The following ATL1 variants were observed in gnomAD, a reference collection of about 807,000 sequenced individuals.
ATL1 encodes the protein atlastin-1.
ATL1 carries 31 observed loss-of-function variants against 75.5 expected under a neutral mutation model. The ratio of observed to expected loss-of-function variants is 0.41; its 90% CI spans 0.31 to 0.55. The LOEUF (loss-of-function observed/expected upper bound fraction) is 0.55. ATL1 is among the 20% of genes least tolerant of loss of function. The pLI is 0.27. For synonymous variants in ATL1, 226 were observed against 233.3 expected (o/e 0.97, Z 0.28); for missense variants, 405 against 662.6 (o/e 0.61, Z 4.27).
At chr14:50,620,506 A>G in intron 8 of ATL1, 93 bp from the exon 9 acceptor site, 1 of 1,333,930 alleles carries the variant, frequency 7.5e-7, no homozygotes, top group Non-Finnish European at 1.0e-6. Flanking sequence ...ATCACTGGGG[A>G]GGAAATGGGG....
Position 50,632,271 on chromosome 14 carries a change from C to T in ATL1, c.1609C>T (p.Leu537=). The part of the protein sequence containing the change: ...LYSAAATHRH[L]YHQAFPTPKS... Reference sequence around the variant, plus strand: ...CAGTGCAGCAGCAACCCACAGACATCTGTATCATCAAGCTTTCCCTACACC... The same window carrying T: ...CAGTGCAGCAGCAACCCACAGACATTTGTATCATCAAGCTTTCCCTACACC... The change falls in exon 14 of 14, where the codon CTG becomes TTG. Residue 537 remains leucine (L), a synonymous_variant. Transcript: ENST00000358385. The T allele has an allele frequency of 6.2e-7, 1 of 1,612,978 alleles. No individual in the cohort carries two copies. The highest frequency in any genetic ancestry group is 8.5e-7 in the Non-Finnish European group (1 of 1,179,476).
At chr14:50,625,702 G>A (rs575607361) in intron 11 of ATL1, among the ~76,000 whole-genome samples, 8 of 152,190 alleles carry the variant, frequency 5.3e-5, no homozygotes, top group African/African-American at 1.9e-4. Context: ...GAGGTGGGTG[G>A]ATCACGAGGT....
chr14:50,608,479 G>T (rs201087201), intron 6 of ATL1, among the ~76,000 whole-genome samples: 1 of 151,856 alleles, frequency 6.6e-6, no homozygotes, highest in Non-Finnish European at 1.5e-5. Flanking sequence ...CAAGGCTTTT[G>T]TTTTTTTGTC....
upstream of ATL1, among the ~76,000 whole-genome samples, chr14:50,557,071 T>G (rs530824899): frequency 6.6e-6 from 1 of 152,344 alleles, no homozygotes; most frequent in East Asian, 1.9e-4. Context: ...CTAGACTTTT[T>G]CCCAAAGTAT....
At chr14:50,629,913 T>C in intron 12 of ATL1, 82 bp from the exon 13 acceptor site, 1 of 1,109,714 alleles carries the variant, frequency 9.0e-7, no homozygotes, top group Non-Finnish European at 1.3e-6. Context: ...AAATTAATAT[T>C]GTAAGCAAAG....
intron 2 of ATL1, among the ~76,000 whole-genome samples, chr14:50,588,825 A>G (rs967148267): frequency 6.6e-6 from 1 of 152,152 alleles, no homozygotes; most frequent in Non-Finnish European, 1.5e-5. Context: ...TAGATCATTG[A>G]CTCAGAGTGA....
intron 11 of ATL1, among the ~76,000 whole-genome samples, chr14:50,625,646 G>A (rs907980597): frequency 6.6e-6 from 1 of 152,066 alleles, no homozygotes; most frequent in African/African-American, 2.4e-5. Flanking sequence ...GGCCGGGCAC[G>A]ATGGCTCACA....
At chr14:50,585,301 T>C (rs181313183) in intron 1 of ATL1, among the ~76,000 whole-genome samples, 2 of 152,356 alleles carry the variant, frequency 1.3e-5, no homozygotes, top group East Asian at 3.9e-4. Flanking sequence ...CCAGTACCTT[T>C]TGCATATGTG....
intron 5 of ATL1, among the ~76,000 whole-genome samples, chr14:50,594,248 C>A (rs143052780): frequency 2.3e-4 from 35 of 152,264 alleles, no homozygotes; most frequent in African/African-American, 7.9e-4. Flanking sequence ...AGAACTCACT[C>A]ACTATGGCGA....
chr14:50,541,985 C>T (rs542938783), intron 1 of ATL1, among the ~76,000 whole-genome samples: 75 of 114,192 alleles, frequency 6.6e-4, no homozygotes, highest in African/African-American at 2.1e-3. Context: ...CCAGCCTGGG[C>T]GACAGAGCGA....
intron 1 of ATL1, among the ~76,000 whole-genome samples, chr14:50,580,354 A>G (rs2039044315): frequency 6.6e-6 from 1 of 152,194 alleles, no homozygotes; most frequent in Non-Finnish European, 1.5e-5. Flanking sequence ...ACCATTTATT[A>G]GATTAAGGAA....
At chr14:50,544,584 C>T (rs1464245670) in intron 1 of ATL1, among the ~76,000 whole-genome samples, 1 of 152,148 alleles carries the variant, frequency 6.6e-6, no homozygotes, top group Non-Finnish European at 1.5e-5. Context: ...ATGTCTGCTT[C>T]TGATGTGACT....
chr14:50,567,412 G>A (rs1333495811), intron 1 of ATL1, among the ~76,000 whole-genome samples: 1 of 152,102 alleles, frequency 6.6e-6, no homozygotes, highest in Non-Finnish European at 1.5e-5. Context: ...TGTGAATGAT[G>A]CTTCTATGAA....
At chr14:50,589,033 A>G (rs2039128981) in intron 2 of ATL1, among the ~76,000 whole-genome samples, 1 of 152,182 alleles carries the variant, frequency 6.6e-6, no homozygotes, top group South Asian at 2.1e-4. Context: ...AAAACATACC[A>G]TAGATTTTGC....
At chr14:50,577,351 C>G (rs1222309464) in intron 1 of ATL1, among the ~76,000 whole-genome samples, 1 of 152,246 alleles carries the variant, frequency 6.6e-6, no homozygotes, top group Admixed American at 6.5e-5. Context: ...GCCTGAGCCA[C>G]TGTGCCCAGG....
chr14:50,587,849 C>T lies in ATL1; in HGVS notation c.53C>T (p.Thr18Ile). ...TCAACAGGTGGATTTTCGGAAAAGACATATGAATGGAGCTCAGAAGAGGAG... is the reference window on the plus strand; with the variant it reads ...TCAACAGGTGGATTTTCGGAAAAGATATATGAATGGAGCTCAGAAGAGGAG... Reference protein sequence around the residue: ...RNSWGGFSEKTYEWSSEEEEP... With the variant: ...RNSWGGFSEKIYEWSSEEEEP... Residue 18 changes from threonine to isoleucine, a missense_variant, in exon 2 of 14, where the codon ACA becomes ATA. By Grantham distance (89) the Thr-to-Ile change is moderately conservative (BLOSUM62 -1). Around this residue, in one of 5 missense-constraint regions of ATL1, gnomAD observed 126 missense variants for 172.0 expected, o/e 0.73. Coordinates refer to ENST00000358385, the MANE Select transcript of ATL1 (RefSeq NM_015915.5). The T allele has an allele frequency of 6.2e-7, 1 of 1,614,164 alleles. No individual in the cohort carries two copies. Among genetic ancestry groups the T allele is most frequent in the Non-Finnish European group, 8.5e-7 (1 of 1,180,034 alleles).
chr14:50,597,660 TG>T (rs2039232976), intron 6 of ATL1, among the ~76,000 whole-genome samples: 1 of 152,202 alleles, frequency 6.6e-6, no homozygotes, highest in African/African-American at 2.4e-5. Flanking sequence ...TCATATTATG[TG>T]ATAACATTTT....
At chr14:50,622,272 T>C (rs535054723) in intron 10 of ATL1, among the ~76,000 whole-genome samples, 10 of 152,312 alleles carry the variant, frequency 6.6e-5, no homozygotes, top group African/African-American at 2.4e-4. Context: ...CATGTGCCTG[T>C]AGGACCAGCT....
At chr14:50,597,078 C>T (rs1439322135) in intron 6 of ATL1, among the ~76,000 whole-genome samples, 1 of 151,550 alleles carries the variant, frequency 6.6e-6, no homozygotes, top group African/African-American at 2.4e-5. Flanking sequence ...GGCATGGTGG[C>T]GGGCACCTGT....
Sources: allele counts gnomAD v4.1 joint callset (sites outside exome capture counted in the v4.1 genomes callset), GRCh38; gene constraint gnomAD v4.1.1; regional missense constraint gnomAD v4.1.1; transcripts MANE v1.5; gene names NCBI Gene and HGNC (gene_info 2026-07-23, HGNC 2026-07-21).